DOCK9: variants seen among roughly 807,000 people sequenced by gnomAD.
DOCK9 encodes dedicator of cytokinesis 9.
A neutral mutation model predicts 263.3 loss-of-function variants in DOCK9; 89 were observed. The observed-to-expected ratio is 0.34, with a 90% CI of 0.28 to 0.40. The LOEUF is 0.40. Ranked by LOEUF, DOCK9 falls within the 10% of genes least tolerant of loss-of-function variation. DOCK9 has a pLI of 1.00. For missense variants in DOCK9, 2,140 were observed against 2,603.4 expected, an observed-to-expected ratio of 0.82 and a Z score of 3.87; for synonymous variants, 976 against 973.1, an observed-to-expected ratio of 1.00 and a Z score of -0.06.
At chr13:98,972,994 T>C (rs1244934855) in intron 1 of DOCK9, among the ~76,000 whole-genome samples, 1 of 152,158 alleles carries the variant, frequency 6.6e-6, no homozygotes, top group Non-Finnish European at 1.5e-5. Context: ...ACAAAGAGCA[T>C]TGTAGTGAAG....
rs1178270410 is a variant in DOCK9, at chr13:98,794,763, C to T, written c.6157-15G>A. Reference sequence around the variant, plus strand: ...AGGGGGCAGATCTTGAGGACAGAAACACAACGTTACTGAGGGCAACACAAG... The same window carrying T: ...AGGGGGCAGATCTTGAGGACAGAAATACAACGTTACTGAGGGCAACACAAG... On this transcript the variant is annotated splice_polypyrimidine_tract_variant and intron_variant, in intron 52 of 52. Transcript: ENST00000682017. 11 of 1,613,550 alleles carry T rather than the reference C, an allele frequency of 6.8e-6. No homozygotes were observed. The highest frequency in any genetic ancestry group is 8.5e-6 in the Non-Finnish European group (10 of 1,179,644).
intron 2 of DOCK9, among the ~76,000 whole-genome samples, chr13:98,941,263 T>A (rs2055789270): frequency 6.6e-6 from 1 of 152,136 alleles, no homozygotes; most frequent in Non-Finnish European, 1.5e-5. Context: ...TGTTGCTGAG[T>A]AAATGGGAAG....
At chr13:99,010,012 AAG>A (rs66955213) in intron 1 of DOCK9, among the ~76,000 whole-genome samples, 29 of 148,980 alleles carry the variant, frequency 1.9e-4, no homozygotes, top group African/African-American at 7.0e-4. Context: ...AAAAAAAAAA[AAG>A]AGAGAGAAAT....
At chr13:99,085,829 G>A (rs2042309481) in intron 1 of DOCK9, among the ~76,000 whole-genome samples, 1 of 147,404 alleles carries the variant, frequency 6.8e-6, no homozygotes, top group Non-Finnish European at 1.5e-5. Context: ...AACATGGAAG[G>A]AGAGGGAGGC....
intron 10 of DOCK9, 102 bp downstream of exon 10, chr13:98,904,530 T>C: frequency 2.1e-6 from 2 of 942,110 alleles, no homozygotes; most frequent in Non-Finnish European, 1.5e-6. Flanking sequence ...ATTTTGCTTG[T>C]TTTTCCAAAA....
At chr13:98,904,606 A>G in intron 10 of DOCK9, 26 bp downstream of exon 10, 2 of 1,505,900 alleles carry the variant, frequency 1.3e-6, no homozygotes, top group Admixed American at 4.2e-5. Flanking sequence ...TTGGTTTTAA[A>G]TATTAAACAT....
chr13:99,026,050 C>G (rs1372444562), intron 1 of DOCK9, among the ~76,000 whole-genome samples: 1 of 42,894 alleles, frequency 2.3e-5, no homozygotes, highest in Non-Finnish European at 5.2e-5. Context: ...GCAGTCCGGC[C>G]TGGGCAACAG....
At position 98,845,307 on chromosome 13, in the gene DOCK9, C is replaced by T. The variant is rs1440096295; in HGVS notation, c.4198+617G>A. 3 of 1,357,436 alleles carry T rather than the reference C, an allele frequency of 2.2e-6. No individual in the cohort carries two copies. In the East Asian group the frequency reaches 1.4e-4, roughly 62 times the overall value. The allele number at this position is 1,357,436 out of a possible 1,614,324, so 84.1% of individuals were successfully genotyped here. A position where few individuals can be genotyped will look rare whatever the true frequency, so the allele number is the denominator to read the frequency against. On this transcript the variant is annotated intron_variant, in intron 38 of 52. Coordinates refer to ENST00000682017, the MANE Select transcript of DOCK9 (RefSeq NM_001366683.2). ...AAGTGAAGCAACCTCATAAAGCAGA[C>T]TTCAACCTGATTAAATCTTACCATT...
chr13:98,947,097 C>A (rs1187368072), intron 2 of DOCK9, among the ~76,000 whole-genome samples: 1 of 152,180 alleles, frequency 6.6e-6, no homozygotes. Context: ...CAAGAGCTGA[C>A]AGCACTTGAG....
intron 9 of DOCK9, among the ~76,000 whole-genome samples, chr13:98,905,778 T>TAA (rs60175188): frequency 6.7e-6 from 1 of 148,370 alleles, no homozygotes; most frequent in African/African-American, 2.5e-5. Context: ...TGCTTTCACT[T>TAA]AAAAAAAAAA....
chr13:99,033,309 T>C (rs906737534), intron 1 of DOCK9, among the ~76,000 whole-genome samples: 1 of 152,254 alleles, frequency 6.6e-6, no homozygotes, highest in Non-Finnish European at 1.5e-5. Flanking sequence ...AGATATGGGC[T>C]GCTCTGGAAG....
At chr13:98,927,106 A>T (rs1328831201) in intron 3 of DOCK9, among the ~76,000 whole-genome samples, 1 of 152,282 alleles carries the variant, frequency 6.6e-6, no homozygotes, top group Non-Finnish European at 1.5e-5. Flanking sequence ...GTAAGTTTTT[A>T]AAATTATTCT....
Position 98,810,186 on chromosome 13 carries a change from T to C in DOCK9, c.5236A>G (p.Lys1746Glu). Reference sequence around the variant, plus strand: ...TCTCATACCTCAAAATCCCTCCGCTTCTCATAAATGGGGATGATAAGTTTG... The same window carrying C: ...TCTCATACCTCAAAATCCCTCCGCTCCTCATAAATGGGGATGATAAGTTTG... ...IYKLIIPIYE[K>E]RRDFERLAHL... is the part of the protein sequence containing the mutation. The change falls in exon 46 of 53, where the codon AAG becomes GAG. Residue 1746 changes from lysine (K) to glutamate (E), a missense_variant. By Grantham distance (56) the Lys-to-Glu change is moderately conservative (BLOSUM62 1). Transcript: ENST00000682017. 2 of 1,613,918 alleles carry C rather than the reference T, an allele frequency of 1.2e-6. No homozygotes were observed. The highest frequency in any genetic ancestry group is 1.7e-6 in the Non-Finnish European group (2 of 1,179,886).
At chr13:98,887,613 C>G (rs1318341029) in intron 18 of DOCK9, among the ~76,000 whole-genome samples, 1 of 13,162 alleles carries the variant, frequency 7.6e-5, no homozygotes, top group African/African-American at 3.0e-4. Flanking sequence ...GAGACTCCAT[C>G]TCAAAAAAAA....
chr13:98,972,459 T>C (rs779584720), intron 1 of DOCK9, among the ~76,000 whole-genome samples: 9 of 152,176 alleles, frequency 5.9e-5, no homozygotes, highest in Non-Finnish European at 1.3e-4. Flanking sequence ...AGCAGTGACT[T>C]GGCATGGCAA....
At chr13:98,857,827 T>G (rs1178019806) in intron 33 of DOCK9, 3 of 152,202 alleles carry the variant, frequency 2.0e-5, no homozygotes, top group Non-Finnish European at 4.4e-5. Context: ...ACCATGTGAA[T>G]GATTGTCGCA....
chr13:98,921,970 C>T, intron 6 of DOCK9, 81 bp downstream of exon 6: 1 of 1,174,538 alleles, frequency 8.5e-7, no homozygotes, highest in Non-Finnish European at 1.2e-6. Flanking sequence ...ACAGCATGCG[C>T]ATTCATCTTG....
At chr13:99,026,906 C>T (rs1886797492) in intron 1 of DOCK9, among the ~76,000 whole-genome samples, 1 of 152,170 alleles carries the variant, frequency 6.6e-6, no homozygotes, top group African/African-American at 2.4e-5. Context: ...GTACCTCTAA[C>T]AGAGTACTCT....
At chr13:98,965,029 T>C (rs368039991) in intron 1 of DOCK9, among the ~76,000 whole-genome samples, 3 of 152,172 alleles carry the variant, frequency 2.0e-5, no homozygotes, top group South Asian at 4.1e-4. Context: ...ATAGTGTTCA[T>C]TTGAGGGGGT....
Sources: allele counts gnomAD v4.1 joint callset (sites outside exome capture counted in the v4.1 genomes callset), GRCh38; gene constraint gnomAD v4.1.1; transcripts MANE v1.5; gene names NCBI Gene and HGNC (gene_info 2026-07-23, HGNC 2026-07-21).